LPAR1: variants seen among roughly 807,000 people sequenced by gnomAD.
LPAR1 encodes lysophosphatidic acid receptor 1.
LPAR1 carries 5 observed loss-of-function variants against 23.8 expected under a neutral mutation model. The observed-to-expected ratio is 0.21, with a 90% CI of 0.11 to 0.44. LPAR1 has a LOEUF of 0.44. Ranked by LOEUF, LPAR1 falls within the 20% of genes least tolerant of loss-of-function variation. The pLI is 0.99. For missense variants in LPAR1, 311 were observed against 482.8 expected (o/e 0.64, Z 3.33); for synonymous variants, 160 against 164.7 (o/e 0.97, Z 0.22).
chr9:110,999,514 A>G (rs2097089755), intron 2 of LPAR1: 1 of 446,288 alleles, frequency 2.2e-6, no homozygotes, highest in Non-Finnish European at 4.5e-6. Context: ...TCAGGCTGCT[A>G]TGAAAGCTAC....
chr9:110,942,836 CT>C (rs2095202106), intron 4 of LPAR1, among the ~76,000 whole-genome samples: 1 of 152,022 alleles, frequency 6.6e-6, no homozygotes, highest in African/African-American at 2.4e-5. Context: ...AATTTTTTTT[CT>C]TTTTGGAGGA....
At chr9:110,953,419 T>A (rs1393512380) in intron 4 of LPAR1, among the ~76,000 whole-genome samples, 1 of 151,966 alleles carries the variant, frequency 6.6e-6, no homozygotes, top group Non-Finnish European at 1.5e-5. Context: ...ATCCCAGCAC[T>A]TTGGGAGGCC....
At chr9:110,957,730 A>T (rs1213354777) in intron 4 of LPAR1, among the ~76,000 whole-genome samples, 1 of 152,216 alleles carries the variant, frequency 6.6e-6, no homozygotes. Flanking sequence ...TAGAAGTTCC[A>T]GCCAAAGCAA....
At chr9:111,025,804 A>T (rs1209805200) in intron 2 of LPAR1, among the ~76,000 whole-genome samples, 1 of 152,160 alleles carries the variant, frequency 6.6e-6, no homozygotes, top group Non-Finnish European at 1.5e-5. Context: ...TAAATAGGAA[A>T]TCCTTTCCCC....
At chr9:111,000,978 T>C (rs1391726213) in intron 2 of LPAR1, among the ~76,000 whole-genome samples, 1 of 152,020 alleles carries the variant, frequency 6.6e-6, no homozygotes, top group Admixed American at 6.6e-5. Flanking sequence ...ATAACCCCTT[T>C]TGTTCACTGC....
intron 1 of LPAR1, chr9:111,037,804 C>T (rs1037737763): frequency 2.0e-5 from 3 of 152,192 alleles, no homozygotes; most frequent in Admixed American, 2.0e-4. Context: ...CCGGAGGCCA[C>T]CTACGTGTCA....
chr9:111,014,208 T>C (rs910376907), intron 2 of LPAR1, among the ~76,000 whole-genome samples: 18 of 152,206 alleles, frequency 1.2e-4, no homozygotes, highest in African/African-American at 4.3e-4. Context: ...CTGCCTGTTC[T>C]GCTCCCATTC....
intron 4 of LPAR1, among the ~76,000 whole-genome samples, chr9:110,960,077 A>C (rs1460100964): frequency 6.6e-6 from 1 of 152,176 alleles, no homozygotes. Context: ...GTAAGTTCTA[A>C]CATTCGATAG....
intron 2 of LPAR1, among the ~76,000 whole-genome samples, chr9:110,999,638 T>C (rs1483543457): frequency 6.6e-6 from 1 of 152,198 alleles, no homozygotes; most frequent in Non-Finnish European, 1.5e-5. Flanking sequence ...TTCGGGGTTG[T>C]GGTCTGCGAT....
intron 2 of LPAR1, among the ~76,000 whole-genome samples, chr9:110,998,421 C>T (rs967260665): frequency 1.3e-5 from 2 of 152,108 alleles, no homozygotes; most frequent in Admixed American, 6.6e-5. Flanking sequence ...AATATTGTTT[C>T]AGGAGAGAAC....
chr9:110,882,738 G>T (rs2081228482), intron 5 of LPAR1, among the ~76,000 whole-genome samples: 1 of 151,630 alleles, frequency 6.6e-6, no homozygotes, highest in African/African-American at 2.4e-5. Context: ...AAGGAGTAGG[G>T]GACGGTGCTT....
At chr9:110,890,104 C>T (rs896599740) in intron 5 of LPAR1, among the ~76,000 whole-genome samples, 2 of 151,854 alleles carry the variant, frequency 1.3e-5, no homozygotes, top group Non-Finnish European at 2.9e-5. Flanking sequence ...AAACAGATTA[C>T]GAAGAAGAGA....
chr9:111,006,440 T>C (rs1025623800), intron 2 of LPAR1, among the ~76,000 whole-genome samples: 1 of 152,202 alleles, frequency 6.6e-6, no homozygotes, highest in Non-Finnish European at 1.5e-5. Context: ...TTTAACTTAT[T>C]CCTTCTTCCT....
At chr9:111,033,299 G>C (rs1243507890) in intron 2 of LPAR1, among the ~76,000 whole-genome samples, 2 of 152,146 alleles carry the variant, frequency 1.3e-5, no homozygotes, top group East Asian at 3.9e-4. Context: ...ATACTAACCT[G>C]CTAAAAAATG....
chr9:110,970,385 G>T (rs1014103382), intron 4 of LPAR1, among the ~76,000 whole-genome samples: 1 of 152,108 alleles, frequency 6.6e-6, no homozygotes, highest in Non-Finnish European at 1.5e-5. Context: ...CACCAAAAAA[G>T]TCTATTGAAG....
intron 5 of LPAR1, among the ~76,000 whole-genome samples, chr9:110,884,677 C>A (rs1218796839): frequency 6.6e-6 from 1 of 152,220 alleles, no homozygotes; most frequent in Non-Finnish European, 1.5e-5. Context: ...ACAGATATCA[C>A]TAGAATATAA....
intron 2 of LPAR1, among the ~76,000 whole-genome samples, chr9:111,022,639 A>C (rs140068857): frequency 6.6e-6 from 1 of 152,238 alleles, no homozygotes. Flanking sequence ...CAAATTATGC[A>C]TAGTTACTAA....
intron 2 of LPAR1, among the ~76,000 whole-genome samples, chr9:110,990,640 A>G (rs1348458684): frequency 6.6e-6 from 1 of 152,140 alleles, no homozygotes; most frequent in Non-Finnish European, 1.5e-5. Context: ...CACCTATAAT[A>G]GAAAAGAAGA....
intron 5 of LPAR1, among the ~76,000 whole-genome samples, chr9:110,934,949 G>A (rs2094602586): frequency 6.6e-6 from 1 of 152,080 alleles, no homozygotes; most frequent in Admixed American, 6.6e-5. Context: ...AAGCTAACAG[G>A]ATGCTAATAT....
Sources: gnomAD v4.1 joint callset for allele counts (sites outside exome capture counted in the v4.1 genomes callset) on GRCh38, gnomAD v4.1.1 for gene constraint, MANE v1.5 for transcripts, NCBI Gene and HGNC (gene_info 2026-07-23, HGNC 2026-07-21) for gene names.